The following PM20D2 variants were observed in gnomAD, a reference collection of about 807,000 sequenced individuals.
PM20D2 encodes peptidase M20 domain containing 2, also known as xaa-Arg dipeptidase.
Under a neutral mutation model 42.9 loss-of-function variants are expected in PM20D2, and 33 were observed. That is an observed-to-expected ratio of 0.77 (90% CI 0.58 to 1.03). PM20D2 has a LOEUF of 1.03. Among genes scored for constraint, PM20D2 ranks in the 50% least tolerant of loss-of-function variants. PM20D2 has a pLI of 0.00. For synonymous variants in PM20D2, 250 were observed against 228.2 expected (o/e 1.10, Z -0.86); for missense variants, 548 against 557.0 (o/e 0.98, Z 0.16).
chr6:89,160,723 C>T (rs774819577), intron 5 of PM20D2, among the ~76,000 whole-genome samples: 1 of 152,086 alleles, frequency 6.6e-6, no homozygotes, highest in Non-Finnish European at 1.5e-5. Context: ...TTAAAAAGTA[C>T]TGTAAAGGAG....
the PM20D2 span, among the ~76,000 whole-genome samples, chr6:89,104,914 A>G: frequency 0.74 from 111,715 of 151,700 alleles, 41,215 homozygotes; most frequent in East Asian, 0.84. Context: ...AAATTAGCCC[A>G]GTGTGGTGGT....
the PM20D2 span, among the ~76,000 whole-genome samples, chr6:89,102,694 T>G: frequency 6.6e-6 from 1 of 152,174 alleles, no homozygotes; most frequent in African/African-American, 2.4e-5. Context: ...ACATACACAT[T>G]CCTTGATATA....
rs372725555 is a variant in PM20D2 at position 89,158,251 on chromosome 6, CA to C, written c.913-72del. The C allele has an allele frequency of 1.4e-3, 1,933 of 1,343,374 alleles. 24 individuals carry two copies. In the African/African-American group the frequency reaches 0.024, roughly 17 times the overall value. 83.2% of individuals were successfully genotyped at this position (1,343,374 alleles called of 1,614,324 possible). ...CTTAAAACCTCTTCCTATTAGAGAA[CA>C]ATCACTGGTTTGAAAATTAGATAGT... On this transcript the variant is annotated intron_variant, in intron 4 of 6. Transcript: ENST00000275072.
chr6:89,117,814 G>A, the PM20D2 span: 1 of 1,550,760 alleles, frequency 6.4e-7, no homozygotes, highest in East Asian at 2.7e-5. Flanking sequence ...TGCAGCCGCG[G>A]CCGTTCACCT....
At chr6:89,111,466 TAATA>T in the PM20D2 span, among the ~76,000 whole-genome samples, 4 of 152,210 alleles carry the variant, frequency 2.6e-5, no homozygotes, top group Admixed American at 2.6e-4. Context: ...TGTTTGCTGT[TAATA>T]TATAGAAATA....
chr6:89,118,375 C>A, the PM20D2 span, among the ~76,000 whole-genome samples: 2 of 152,244 alleles, frequency 1.3e-5, no homozygotes, highest in Non-Finnish European at 2.9e-5. Context: ...CGCTCAGCCT[C>A]CGCGGCCCTC....
At chr6:89,142,819 G>A (rs544484877), upstream of PM20D2, among the ~76,000 whole-genome samples, 348 of 152,148 alleles carry the variant, frequency 2.3e-3, 2 homozygotes, top group African/African-American at 6.2e-3. Flanking sequence ...CACCACGCCC[G>A]GCTAATTTTT....
chr6:89,100,419 A>G, the PM20D2 span, among the ~76,000 whole-genome samples: 1,576 of 152,308 alleles, frequency 0.01, 7 homozygotes, highest in Non-Finnish European at 0.014. Flanking sequence ...TTAAGATCAA[A>G]GTGATCTGCC....
upstream of PM20D2, among the ~76,000 whole-genome samples, chr6:89,141,397 ACT>A (rs760040738): frequency 6.6e-6 from 1 of 152,012 alleles, no homozygotes; most frequent in Non-Finnish European, 1.5e-5. Flanking sequence ...ACAGAGTCTC[ACT>A]CTGTCACCCA....
intron 1 of PM20D2, 134 bp from the exon 2 acceptor site, chr6:89,149,131 C>T (rs759442855): frequency 9.3e-7 from 1 of 1,076,500 alleles, no homozygotes; most frequent in African/African-American, 1.6e-5. Context: ...ATTGCGTAAG[C>T]GTCATAGAAC....
At chr6:89,144,532 T>C (rs1460305839), upstream of PM20D2, among the ~76,000 whole-genome samples, 3 of 152,190 alleles carry the variant, frequency 2.0e-5, no homozygotes, top group Admixed American at 1.3e-4. Context: ...CTACAGTGGG[T>C]CCACTACTTA....
chr6:89,149,306 C>A lies in PM20D2; in HGVS notation c.507C>A (p.Gly169=). 6.2e-7 allele frequency: 1 copy of A among 1,613,930 alleles called. No individual in the cohort carries two copies. The highest frequency in any genetic ancestry group is 2.2e-5 in the East Asian group (1 of 44,866). The change falls in exon 2 of 7, where the codon GGC becomes GGA. Residue 169 remains glycine, a synonymous_variant. Coordinates refer to ENST00000275072, the MANE Select transcript of PM20D2 (RefSeq NM_001010853.3). ...LGTPAEEDGG[G]KIDLIEAGAF... is the part of the protein sequence containing the mutation. Reference sequence around the variant, plus strand: ...CCCCTGCAGAAGAAGATGGTGGTGGCAAAATTGATTTAATTGAAGCAGGGG... The same window carrying A: ...CCCCTGCAGAAGAAGATGGTGGTGGAAAAATTGATTTAATTGAAGCAGGGG...
rs1439574424 is a variant in PM20D2, at chr6:89,146,310, CACCA to C, written c.167_170del (p.His56LeufsTer6). The C allele has an allele frequency of 3.2e-6, 5 of 1,579,772 alleles. No individual in the cohort carries two copies. Among genetic ancestry groups the C allele is most frequent in the Non-Finnish European group, 4.3e-6 (5 of 1,171,234 alleles). On this transcript the variant is annotated frameshift_variant, in exon 1 of 7. Coordinates refer to ENST00000275072, the MANE Select transcript of PM20D2 (RefSeq NM_001010853.3). LOFTEE classifies it high-confidence loss of function. ...CCAGCCCGAGCTGGCCTACGAGGAG[CACCA>C]TGCCCACCGCGTGCTGACGCACTTC...
chr6:89,107,362 G>C, the PM20D2 span: 1 of 775,872 alleles, frequency 1.3e-6, no homozygotes, highest in Non-Finnish European at 2.1e-6. Context: ...ACATCATCTA[G>C]ACCAGCATTA....
upstream of PM20D2, among the ~76,000 whole-genome samples, chr6:89,143,807 C>G (rs950771058): frequency 3.9e-5 from 6 of 152,182 alleles, no homozygotes; most frequent in African/African-American, 1.2e-4. Flanking sequence ...CTTCCTGCCC[C>G]CAGCTCCACA....
Position 89,146,227 on chromosome 6 carries a change from C to T in PM20D2, c.83C>T (p.Ala28Val). 1 of 1,578,280 alleles carries T rather than the reference C, an allele frequency of 6.3e-7. No individual in the cohort carries two copies. Among genetic ancestry groups the T allele is most frequent in the Non-Finnish European group, 8.5e-7 (1 of 1,170,092 alleles). Residue 28 changes from alanine to valine, a missense_variant, in exon 1 of 7, where the codon GCG becomes GTG. Ala to Val is a moderately conservative substitution (Grantham distance 64). Transcript: ENST00000275072. The stretch of plus-strand genomic sequence containing the variant: ...CTGGAGCTACTGAAGCTGCGCTCGG[C>T]GGAGTGCATCGACGAGGCGGCCGAG... ...SELELLKLRS[A>V]ECIDEAAERL... is the part of the protein sequence containing the mutation.
rs527985862 is a variant in PM20D2, at chr6:89,146,663, C to T, written c.465+54C>T. 6.7e-5 allele frequency: 88 copies of T among 1,314,104 alleles called. No homozygotes were observed. In the Middle Eastern group the frequency reaches 8.3e-4, roughly 12 times the overall value. 81.4% of individuals were successfully genotyped at this position (1,314,104 alleles called of 1,614,324 possible). A position where few individuals can be genotyped will look rare whatever the true frequency, so the allele number is the denominator to read the frequency against. ...ATCCGACTGCCCGGGTCGGGGGCGA[C>T]CCGGGAAGGGCGGGACTCTCGTGCG... On this transcript the variant is annotated intron_variant, in intron 1 of 6. Coordinates refer to ENST00000275072, the MANE Select transcript of PM20D2 (RefSeq NM_001010853.3).
chr6:89,110,253 T>C, the PM20D2 span, among the ~76,000 whole-genome samples: 31 of 152,220 alleles, frequency 2.0e-4, no homozygotes, highest in East Asian at 5.8e-3. Context: ...CACAAAGCAA[T>C]GAAAAAATGA....
upstream of PM20D2, among the ~76,000 whole-genome samples, chr6:89,143,207 G>T (rs1770399248): frequency 1.3e-5 from 2 of 152,138 alleles, no homozygotes; most frequent in Admixed American, 1.3e-4. Context: ...CCATACAAAA[G>T]CCTGCTGCCT....
Sources: gnomAD v4.1 joint callset for allele counts (sites outside exome capture counted in the v4.1 genomes callset) on GRCh38, gnomAD v4.1.1 for gene constraint, MANE v1.5 for transcripts, NCBI Gene and HGNC (gene_info 2026-07-23, HGNC 2026-07-21) for gene names.